Variants in CLVS1 observed in about 807,000 individuals in gnomAD.
The protein encoded by CLVS1 is clavesin 1.
In CLVS1, 10 loss-of-function variants were observed where a neutral mutation model predicts 33.1. That is an observed-to-expected ratio of 0.30 (90% CI 0.19 to 0.51). CLVS1 has a LOEUF of 0.51. CLVS1 is among the 20% of genes least tolerant of loss of function. CLVS1 has a pLI of 0.97. For synonymous variants in CLVS1, 163 were observed against 166.1 expected (o/e 0.98, Z 0.14); for missense variants, 343 against 433.4 (o/e 0.79, Z 1.85).
At chr8:61,423,036 C>T (rs1285410494) in intron 3 of CLVS1, among the ~76,000 whole-genome samples, 3 of 152,166 alleles carry the variant, frequency 2.0e-5, no homozygotes, top group African/African-American at 7.2e-5. Flanking sequence ...TCAGGGTCCA[C>T]TGATTGTTCT....
At chr8:61,460,716 CT>C (rs1342173087) in intron 5 of CLVS1, among the ~76,000 whole-genome samples, 1 of 152,148 alleles carries the variant, frequency 6.6e-6, no homozygotes, top group Non-Finnish European at 1.5e-5. Context: ...TTCTTTGGCC[CT>C]TCAGAAAGTC....
intron 2 of CLVS1, among the ~76,000 whole-genome samples, chr8:61,254,626 C>A (rs1297441353): frequency 6.6e-6 from 1 of 152,138 alleles, no homozygotes; most frequent in Admixed American, 6.5e-5. Context: ...ATGGCGGGCA[C>A]CCCTCCCCCA....
At chr8:61,406,626 G>T (rs986968836) in intron 3 of CLVS1, among the ~76,000 whole-genome samples, 1 of 151,814 alleles carries the variant, frequency 6.6e-6, no homozygotes, top group East Asian at 1.9e-4. Context: ...TGTGGGGGGG[G>T]GGATGGAGTC....
chr8:61,227,395 G>A (rs1808354498), intron 2 of CLVS1, among the ~76,000 whole-genome samples: 1 of 151,572 alleles, frequency 6.6e-6, no homozygotes, highest in African/African-American at 2.4e-5. Context: ...ATTTCCAGCA[G>A]TCCTTTGATG....
chr8:61,426,892 T>A (rs2129604982), intron 3 of CLVS1, among the ~76,000 whole-genome samples: 1 of 152,318 alleles, frequency 6.6e-6, no homozygotes, highest in Non-Finnish European at 1.5e-5. Flanking sequence ...TTAGTATTTG[T>A]CATGTGAATA....
intron 2 of CLVS1, among the ~76,000 whole-genome samples, chr8:61,162,689 A>G (rs1806776004): frequency 6.6e-6 from 1 of 151,750 alleles, no homozygotes; most frequent in South Asian, 2.1e-4. Context: ...TTTTGCTTCC[A>G]GAAATGGCCT....
intron 3 of CLVS1, among the ~76,000 whole-genome samples, chr8:61,424,876 G>A (rs1349710377): frequency 6.6e-6 from 1 of 152,150 alleles, no homozygotes; most frequent in Admixed American, 6.5e-5. Context: ...TTTATGCAAT[G>A]CAAATAAAAT....
the CLVS1 span, among the ~76,000 whole-genome samples, chr8:61,010,879 T>C: frequency 1.3e-5 from 2 of 152,242 alleles, no homozygotes; most frequent in Non-Finnish European, 1.5e-5. Context: ...ATGTAAACTA[T>C]GTGAGAAGCA....
chr8:61,078,692 A>G (rs1437190059), intron 1 of CLVS1, among the ~76,000 whole-genome samples: 1 of 152,168 alleles, frequency 6.6e-6, no homozygotes, highest in Non-Finnish European at 1.5e-5. Context: ...GGTGTTAGTC[A>G]ACAAAATCCA....
the CLVS1 span, among the ~76,000 whole-genome samples, chr8:61,041,663 C>T: frequency 6.6e-6 from 1 of 152,058 alleles, no homozygotes; most frequent in Non-Finnish European, 1.5e-5. Flanking sequence ...CTACTCTGTG[C>T]TCGCTTCGGC....
chr8:61,135,279 C>T (rs16926908), intron 2 of CLVS1, among the ~76,000 whole-genome samples: 4,044 of 152,062 alleles, frequency 0.027, 181 homozygotes, highest in African/African-American at 0.092. Flanking sequence ...TTAGTACCCT[C>T]GTCCCCTTCC....
the CLVS1 span, among the ~76,000 whole-genome samples, chr8:60,974,537 A>G: frequency 6.6e-6 from 1 of 152,144 alleles, no homozygotes; most frequent in African/African-American, 2.4e-5. Context: ...TTTTACCTTG[A>G]TGTGATACAG....
rs192696713 is a variant in CLVS1, at chr8:61,307,024, T to A, written c.455+6742T>A. On this transcript the variant is annotated intron_variant, in intron 2 of 5. Coordinates refer to ENST00000325897, the MANE Select transcript of CLVS1 (RefSeq NM_173519.3). ...TGTTTTAGTGATCCTACCTATTATG[T>A]TTATTATATTCTCAAGATATAAGAA... 1.4e-3 allele frequency among the ~76,000 whole-genome samples: 218 copies of A among 152,314 alleles called. 2 individuals are homozygous for A. The highest frequency in any genetic ancestry group is 4.0e-3 in the African/African-American group (165 of 41,554).
At chr8:61,114,694 CAGA>C (rs1436581918) in intron 1 of CLVS1, among the ~76,000 whole-genome samples, 1 of 152,102 alleles carries the variant, frequency 6.6e-6, no homozygotes, top group Non-Finnish European at 1.5e-5. Flanking sequence ...CTAGAATGGC[CAGA>C]AGAATTCTTG....
the CLVS1 span, among the ~76,000 whole-genome samples, chr8:61,017,338 T>G: frequency 1.3e-5 from 2 of 152,254 alleles, no homozygotes; most frequent in Admixed American, 1.3e-4. Flanking sequence ...GTGAGAATTA[T>G]GGTATGCCGT....
chr8:60,966,104 G>T, the CLVS1 span: 1 of 261,538 alleles, frequency 3.8e-6, no homozygotes, highest in South Asian at 3.8e-5. Context: ...GAGCCACTGC[G>T]CCTGGCCCCA....
At chr8:61,182,715 C>A (rs1807262932) in intron 2 of CLVS1, among the ~76,000 whole-genome samples, 2 of 151,982 alleles carry the variant, frequency 1.3e-5, no homozygotes, top group African/African-American at 4.8e-5. Context: ...TAAATTAGTT[C>A]AATCATTGTG....
At chr8:61,428,210 G>GCATTATTT (rs1285590112) in intron 3 of CLVS1, among the ~76,000 whole-genome samples, 3 of 152,252 alleles carry the variant, frequency 2.0e-5, no homozygotes, top group African/African-American at 7.2e-5. Context: ...GGCGGCTTTT[G>GCATTATTT]CATTATTTTC....
the CLVS1 span, among the ~76,000 whole-genome samples, chr8:61,027,165 G>T: frequency 6.6e-6 from 1 of 152,166 alleles, no homozygotes; most frequent in African/African-American, 2.4e-5. Context: ...AAATGAACAT[G>T]ATGGATCATA....
Sources: allele counts gnomAD v4.1 joint callset (sites outside exome capture counted in the v4.1 genomes callset), GRCh38; gene constraint gnomAD v4.1.1; transcripts MANE v1.5; gene names NCBI Gene and HGNC (gene_info 2026-07-23, HGNC 2026-07-21).